The following FARP1 variants were observed in gnomAD, a reference collection of about 807,000 sequenced individuals.
FARP1 encodes FERM, ARH/RhoGEF and pleckstrin domain protein 1.
In FARP1, 52 loss-of-function variants were observed where a neutral mutation model predicts 128.8. The ratio of observed to expected loss-of-function variants is 0.40; its 90% confidence interval spans 0.32 to 0.51. FARP1 has a LOEUF of 0.51. Ranked by LOEUF, FARP1 falls within the 20% of genes least tolerant of loss-of-function variation. FARP1 has a pLI of 0.45. For synonymous variants in FARP1, 580 were observed against 551.8 expected (o/e 1.05, Z -0.72); for missense variants, 1,333 against 1,367.9 (o/e 0.97, Z 0.40).
At chr13:98,371,526 C>T (rs1889330462) in intron 5 of FARP1, among the ~76,000 whole-genome samples, 1 of 151,888 alleles carries the variant, frequency 6.6e-6, no homozygotes, top group Non-Finnish European at 1.5e-5. Context: ...TCTTTTGGCT[C>T]ATTGTTGAAT....
At chr13:98,318,068 CTTTTTTTTTTT>C (rs35762706) in intron 2 of FARP1, among the ~76,000 whole-genome samples, 7 of 104,208 alleles carry the variant, frequency 6.7e-5, no homozygotes, top group South Asian at 3.8e-4. Flanking sequence ...TCTCCTCCTC[CTTTTTTTTTTT>C]TTTTTTTTTG....
At chr13:98,417,737 T>C (rs1190038265) in intron 16 of FARP1, among the ~76,000 whole-genome samples, 1 of 152,146 alleles carries the variant, frequency 6.6e-6, no homozygotes, top group African/African-American at 2.4e-5. Flanking sequence ...GGGAGCAGCA[T>C]TGTGTTGCCG....
chr13:98,277,149 C>CACACACACACACACACACACACACACACA (rs1566824323), intron 2 of FARP1, among the ~76,000 whole-genome samples: 2 of 113,298 alleles, frequency 1.8e-5, no homozygotes, highest in Admixed American at 9.0e-5. Context: ...CACACACACA[C>CACACACACACACACACACACACACACACA]CCCATATGTA....
At chr13:98,255,005 G>C (rs570536539) in intron 2 of FARP1, among the ~76,000 whole-genome samples, 12 of 151,872 alleles carry the variant, frequency 7.9e-5, no homozygotes, top group Non-Finnish European at 1.6e-4. Context: ...TTACTTGTAG[G>C]AGCAATTTGT....
intron 2 of FARP1, among the ~76,000 whole-genome samples, chr13:98,287,462 C>T (rs1885237683): frequency 6.6e-6 from 1 of 151,806 alleles, no homozygotes. Context: ...ATCTCCTGAC[C>T]TCGTGATCCG....
chr13:98,350,394 T>TC (rs1888366282), intron 3 of FARP1, among the ~76,000 whole-genome samples: 1 of 152,186 alleles, frequency 6.6e-6, no homozygotes, highest in Non-Finnish European at 1.5e-5. Context: ...TATATACTGT[T>TC]CCCGCTCTGT....
At chr13:98,210,785 G>A (rs1880656991) in intron 1 of FARP1, among the ~76,000 whole-genome samples, 4 of 152,108 alleles carry the variant, frequency 2.6e-5, no homozygotes, top group South Asian at 2.1e-4. Context: ...TCCTGACCTC[G>A]TGATCTGCCC....
intron 19 of FARP1, chr13:98,435,963 A>C (rs1892252445): frequency 2.0e-6 from 1 of 511,146 alleles, no homozygotes; most frequent in Admixed American, 2.8e-5. Flanking sequence ...CTTTTCCCCT[A>C]CCATATCCCA....
At chr13:98,274,130 T>A (rs998498758) in intron 2 of FARP1, among the ~76,000 whole-genome samples, 2 of 152,170 alleles carry the variant, frequency 1.3e-5, no homozygotes, top group African/African-American at 4.8e-5. Context: ...GCTTTTCTCG[T>A]CATACTTTGT....
At chr13:98,419,256 C>T (rs986374180) in intron 16 of FARP1, among the ~76,000 whole-genome samples, 19 of 152,116 alleles carry the variant, frequency 1.2e-4, no homozygotes, top group African/African-American at 4.6e-4. Flanking sequence ...GGTGGATCAC[C>T]TGAGGTCAGG....
chr13:98,178,698 A>C (rs1293074056), intron 1 of FARP1, among the ~76,000 whole-genome samples: 1 of 152,194 alleles, frequency 6.6e-6, no homozygotes, highest in East Asian at 1.9e-4. Flanking sequence ...TAGTGCCCCC[A>C]AAACACTGGC....
At chr13:98,187,935 A>G (rs559120235) in intron 1 of FARP1, among the ~76,000 whole-genome samples, 3 of 152,376 alleles carry the variant, frequency 2.0e-5, no homozygotes, top group East Asian at 1.9e-4. Flanking sequence ...GAGTCAGTCA[A>G]TCATGAAGAC....
intron 2 of FARP1, among the ~76,000 whole-genome samples, chr13:98,325,537 G>A (rs920265771): frequency 9.2e-5 from 14 of 152,178 alleles, no homozygotes; most frequent in African/African-American, 3.4e-4. Flanking sequence ...TCTGGGTTGA[G>A]AGTTACAAAC....
At chr13:98,397,650 T>C (rs3895320) in intron 13 of FARP1, 22,803 of 152,088 alleles carry the variant, frequency 0.15, 1,968 homozygotes, top group African/African-American at 0.23. Context: ...TTTTAAAAAT[T>C]AGTGATGCCG....
In FARP1 at chr13:98,453,309, C is replaced by A; in HGVS notation, c.*4992C>A. On this transcript the variant is annotated 3_prime_UTR_variant, in exon 27 of 27. Transcript: ENST00000319562. ...AAATCTTAGTTTTCATAAGAAATTC[C>A]AAGTCATACAAAAATAAGTGGAGCA... The A allele has an allele frequency of 1.6e-6, 2 of 1,234,146 alleles. No individual in the cohort carries two copies. The highest frequency in any genetic ancestry group is 1.1e-6 in the Non-Finnish European group (1 of 870,318). 76.4% of individuals were successfully genotyped at this position (1,234,146 alleles called of 1,614,324 possible).
chr13:98,414,345 A>G (rs1324565211), intron 16 of FARP1, among the ~76,000 whole-genome samples: 1 of 147,098 alleles, frequency 6.8e-6, no homozygotes, highest in Non-Finnish European at 1.5e-5. Flanking sequence ...TCAACAATAG[A>G]CCTAAACCAA....
At chr13:98,299,805 G>A (rs149300639) in intron 2 of FARP1, among the ~76,000 whole-genome samples, 101 of 152,318 alleles carry the variant, frequency 6.6e-4, no homozygotes, top group Middle Eastern at 6.8e-3. Context: ...CAAAAATGTG[G>A]TGCTGAAATC....
chr13:98,444,707 A>T (rs1038510041), intron 24 of FARP1, among the ~76,000 whole-genome samples: 7 of 152,178 alleles, frequency 4.6e-5, no homozygotes, highest in African/African-American at 1.7e-4. Flanking sequence ...AGCGCTAAGG[A>T]AGCTGCTTTG....
At chr13:98,287,388 C>T (rs1213326314) in intron 2 of FARP1, among the ~76,000 whole-genome samples, 2 of 151,790 alleles carry the variant, frequency 1.3e-5, no homozygotes, top group African/African-American at 4.8e-5. Flanking sequence ...CGCCACCACA[C>T]CTGGCTAATT....
Sources: gnomAD v4.1 joint callset for allele counts (sites outside exome capture counted in the v4.1 genomes callset) on GRCh38, gnomAD v4.1.1 for gene constraint, MANE v1.5 for transcripts, NCBI Gene and HGNC (gene_info 2026-07-23, HGNC 2026-07-21) for gene names.